GTF3C1: variants seen among roughly 807,000 people sequenced by gnomAD.
GTF3C1 encodes the protein general transcription factor 3C polypeptide 1.
A neutral mutation model predicts 226.7 loss-of-function variants in GTF3C1; 57 were observed. The observed-to-expected ratio is 0.25, with a 90% CI of 0.20 to 0.31. GTF3C1 has a LOEUF of 0.31. GTF3C1 is among the 10% of genes least tolerant of loss of function. The pLI is 1.00. For missense variants in GTF3C1, 2,217 were observed against 2,776.1 expected, an observed-to-expected ratio of 0.80 and a Z score of 4.53; for synonymous variants, 1,090 against 1,084.8, an observed-to-expected ratio of 1.00 and a Z score of -0.09.
chr16:27,525,076 G>A (rs757821340), intron 6 of GTF3C1, among the ~76,000 whole-genome samples: 14 of 152,034 alleles, frequency 9.2e-5, no homozygotes, highest in Admixed American at 3.9e-4. Context: ...ACTTGAACCC[G>A]GGAGGCAGAG....
intron 2 of GTF3C1, among the ~76,000 whole-genome samples, chr16:27,539,362 T>A (rs189724920): frequency 1.3e-5 from 2 of 152,200 alleles, no homozygotes; most frequent in Non-Finnish European, 2.9e-5. Context: ...GCAAAAGGCA[T>A]GTGAGGACAG....
intron 10 of GTF3C1, among the ~76,000 whole-genome samples, chr16:27,504,021 G>GA (rs2088447520): frequency 6.6e-6 from 1 of 152,238 alleles, no homozygotes; most frequent in Non-Finnish European, 1.5e-5. Context: ...AAGAGGGGCA[G>GA]AAAGTCTTTC....
At chr16:27,499,767 T>C (rs1054953993) in intron 12 of GTF3C1, among the ~76,000 whole-genome samples, 5 of 152,300 alleles carry the variant, frequency 3.3e-5, no homozygotes, top group Admixed American at 3.3e-4. Context: ...ATTGCCCCAC[T>C]TTCCGGGCAA....
chr16:27,471,758 T>C lies in GTF3C1; in HGVS notation c.4516A>G (p.Thr1506Ala), dbSNP rs1444336585. Residue 1506 changes from threonine to alanine, a missense_variant, in exon 30 of 37, where the codon ACC becomes GCC. By Grantham distance (58) the Thr-to-Ala change is moderately conservative. This residue lies in a region of GTF3C1 where 546 missense variants were observed against 663.0 expected (regional missense o/e 0.82). Transcript: ENST00000356183. This position sits in a 1 kb window ranked among gnomAD's most constrained non-coding sequence, Gnocchi z 5.0. Reference sequence around the variant, plus strand: ...CTGACAGGTACTCACCTGTAGTAGGTCTGGGATAGCTGGTAGGACATTGGC... The same window carrying C: ...CTGACAGGTACTCACCTGTAGTAGGCCTGGGATAGCTGGTAGGACATTGGC... ...FVPMSYQLSQ[T>A]YYRIFTWRFP... The C allele has an allele frequency of 1.9e-6, 3 of 1,613,492 alleles. No homozygotes were observed. Among genetic ancestry groups the C allele is most frequent in the Non-Finnish European group, 2.5e-6 (3 of 1,179,662 alleles).
Position 27,469,444 on chromosome 16 carries a change from A to T in GTF3C1, c.4921T>A (p.Ser1641Thr). The change falls in exon 32 of 37, where the codon TCC becomes ACC. Residue 1641 changes from serine (S) to threonine (T), a missense_variant. Physicochemically the swap from Ser to Thr is moderately conservative, Grantham distance 58. This residue lies in a region of GTF3C1 where 455 missense variants were observed against 441.9 expected (regional missense o/e 1.03). Transcript: ENST00000356183. The surrounding 1 kb of genome is among the most constrained non-coding windows in gnomAD (Gnocchi z 4.5). ...CTCATCAGCAGGTAGTTGGTGTGGG[A>T]GGCTTGCGCAGGTTTCACCTCCATG... ...RSMEVKPAQASHTNYLLMRGY... is the reference protein window; with the variant it reads ...RSMEVKPAQATHTNYLLMRGY... 6.2e-7 allele frequency: 1 copy of T among 1,614,160 alleles called. No individual in the cohort carries two copies. The highest frequency in any genetic ancestry group is 8.5e-7 in the Non-Finnish European group (1 of 1,180,008).
rs2088501504 is a variant in GTF3C1 at position 27,507,345 on chromosome 16, C to G, written c.1243-189G>C. Among the ~76,000 whole-genome samples, 1 of 152,204 alleles carries G rather than the reference C, an allele frequency of 6.6e-6. No homozygotes were observed. Among genetic ancestry groups the G allele is most frequent in the African/African-American group, 2.4e-5 (1 of 41,450 alleles). On this transcript the variant is annotated intron_variant, in intron 8 of 36. Transcript: ENST00000356183. This position sits in a 1 kb window ranked among gnomAD's most constrained non-coding sequence, Gnocchi z 4.9. ...CCTCTCTGTAATCCCCCAGGTCTTC[C>G]TTCCACAGAGATCCTTCTCTGAAGT...
intron 6 of GTF3C1, among the ~76,000 whole-genome samples, chr16:27,519,609 A>C (rs192918335): frequency 2.6e-5 from 4 of 152,324 alleles, no homozygotes; most frequent in Admixed American, 2.0e-4. Flanking sequence ...AAATCCCTGC[A>C]CCAGCACTGC....
rs2087698647 is a variant in GTF3C1 at position 27,461,252 on chromosome 16, G to A, written c.*98C>T. 8 of 725,954 alleles carry A rather than the reference G, an allele frequency of 1.1e-5. No individual in the cohort carries two copies. The highest frequency in any genetic ancestry group is 4.0e-4 in the Middle Eastern group (1 of 2,526). The allele number at this position is 725,954 out of a possible 1,614,324, so 45.0% of individuals were successfully genotyped here. A position where few individuals can be genotyped will look rare whatever the true frequency, so the allele number is the denominator to read the frequency against. On this transcript the variant is annotated 3_prime_UTR_variant, in exon 37 of 37. Transcript: ENST00000356183. The surrounding 1 kb of genome is among the most constrained non-coding windows in gnomAD (Gnocchi z 5.3). ...ACCCGTCCCCTGCTGCAGGAGGCTC[G>A]GCAGACCCAAGGCCAGGGCACAGTG...
chr16:27,520,748 T>C (rs2088733740), intron 6 of GTF3C1, among the ~76,000 whole-genome samples: 1 of 152,100 alleles, frequency 6.6e-6, no homozygotes, highest in South Asian at 2.1e-4. Flanking sequence ...GAGATGGAGT[T>C]TTGCTCTGTC....
chr16:27,512,378 G>A (rs972556197), intron 6 of GTF3C1, among the ~76,000 whole-genome samples: 1 of 152,098 alleles, frequency 6.6e-6, no homozygotes, highest in African/African-American at 2.4e-5. Flanking sequence ...CAGTGTAAAC[G>A]AGCTGTATAA....
Position 27,549,828 on chromosome 16 carries a change from C to T in GTF3C1, c.63G>A (p.Leu21=). Residue 21 remains leucine (L), a synonymous_variant, in exon 1 of 37, where the codon CTG becomes CTA. Coordinates refer to ENST00000356183, the MANE Select transcript of GTF3C1 (RefSeq NM_001520.4). ...TCTCCAGCCGGCTCCACAGCGCTGGCAGACACAGGCCATCGAGCCCCTCCA... is the reference window on the plus strand; with the variant it reads ...TCTCCAGCCGGCTCCACAGCGCTGGTAGACACAGGCCATCGAGCCCCTCCA... The part of the protein sequence containing the change: ...VALEGLDGLC[L]PALWSRLETR... 3 of 1,613,000 alleles carry T rather than the reference C, an allele frequency of 1.9e-6. No homozygotes were observed. Among genetic ancestry groups the T allele is most frequent in the Non-Finnish European group, 2.5e-6 (3 of 1,179,812 alleles).
At chr16:27,541,737 G>A (rs569585713) in intron 2 of GTF3C1, among the ~76,000 whole-genome samples, 11 of 152,170 alleles carry the variant, frequency 7.2e-5, no homozygotes, top group Non-Finnish European at 1.6e-4. Flanking sequence ...CCAGCATGTT[G>A]AGGCTGAAGT....
chr16:27,525,899 C>G (rs150871276), intron 6 of GTF3C1, among the ~76,000 whole-genome samples: 1 of 152,034 alleles, frequency 6.6e-6, no homozygotes, highest in East Asian at 1.9e-4. Flanking sequence ...TCTAAGGATT[C>G]TTTATTTTTC....
At chr16:27,549,224 T>C (rs946019537) in intron 1 of GTF3C1, among the ~76,000 whole-genome samples, 20 of 152,128 alleles carry the variant, frequency 1.3e-4, no homozygotes, top group African/African-American at 3.9e-4. Flanking sequence ...TTTAGCATTA[T>C]CGCTAATTGT....
chr16:27,511,860 A>G lies in GTF3C1; in HGVS notation c.1015T>C (p.Phe339Leu). 2.5e-6 allele frequency: 4 copies of G among 1,614,092 alleles called. No individual in the cohort carries two copies. The highest frequency in any genetic ancestry group is 3.4e-6 in the Non-Finnish European group (4 of 1,180,020). ...TCATCATCATGGTCATTCCGTTTAA[A>G]TTCCTTCAGCAGCTTGAGGCACCGA... ...MVRCLKLLKEFKRNDHDDDED... is the reference protein window; with the variant it reads ...MVRCLKLLKELKRNDHDDDED... The change falls in exon 7 of 37, where the codon TTT becomes CTT. Residue 339 changes from phenylalanine (F) to leucine (L), a missense_variant. Physicochemically the swap from Phe to Leu is conservative, Grantham distance 22 (BLOSUM62 0). Coordinates refer to ENST00000356183, the MANE Select transcript of GTF3C1 (RefSeq NM_001520.4).
chr16:27,487,234 C>T (rs2088154820), intron 23 of GTF3C1, among the ~76,000 whole-genome samples: 1 of 152,230 alleles, frequency 6.6e-6, no homozygotes, highest in East Asian at 1.9e-4. Context: ...GGGGCCATTT[C>T]AACTGATGGA....
intron 6 of GTF3C1, among the ~76,000 whole-genome samples, chr16:27,521,972 T>C (rs944382377): frequency 3.0e-4 from 45 of 152,366 alleles, no homozygotes; most frequent in Admixed American, 3.3e-4. Flanking sequence ...ATATGGTTCA[T>C]TTCTTTTCTC....
At position 27,504,612 on chromosome 16, in the gene GTF3C1, C is replaced by T. The variant is rs77166024; in HGVS notation, c.1770+1287G>A. On this transcript the variant is annotated intron_variant, in intron 10 of 36. Coordinates refer to ENST00000356183, the MANE Select transcript of GTF3C1 (RefSeq NM_001520.4). ...CAGACCAAAGCTCACATTGACCTTA[C>T]AGGGCTGAATGAAACAGCAGTGGCC... is the stretch of plus-strand genomic sequence containing the variant. Among the ~76,000 whole-genome samples, 1,490 of 152,282 alleles carry T rather than the reference C, an allele frequency of 9.8e-3. 29 individuals are homozygous for T. Among genetic ancestry groups the T allele is most frequent in the African/African-American group, 0.033 (1,390 of 41,550 alleles).
At chr16:27,499,368 G>A (rs1480612477) in intron 12 of GTF3C1, among the ~76,000 whole-genome samples, 1 of 152,232 alleles carries the variant, frequency 6.6e-6, no homozygotes, top group African/African-American at 2.4e-5. Context: ...AGCAGGGAGA[G>A]GTGGAGTGGG....
Sources: gnomAD v4.1 joint callset for allele counts (sites outside exome capture counted in the v4.1 genomes callset) on GRCh38, gnomAD v4.1.1 for gene constraint, gnomAD v4.1.1 regional missense constraint, Gnocchi (gnomAD v3.1) non-coding constraint, MANE v1.5 for transcripts, NCBI Gene and HGNC (gene_info 2026-07-23, HGNC 2026-07-21) for gene names.